TPRG1: variants seen among roughly 807,000 people sequenced by gnomAD.
TPRG1 encodes the protein tumor protein p63 regulated 1.
Under a neutral mutation model 29.3 loss-of-function variants are expected in TPRG1, and 29 were observed. The observed-to-expected ratio is 0.99, with a 90% CI of 0.74 to 1.35. The LOEUF (loss-of-function observed/expected upper bound fraction) is 1.35. TPRG1 is among the 40% of genes most tolerant of loss of function. The pLI, the probability that TPRG1 is intolerant of heterozygous loss-of-function variation, is 0.00. For synonymous variants in TPRG1, 130 were observed against 116.8 expected, an observed-to-expected ratio of 1.11 and a Z score of -0.73; for missense variants, 327 against 335.0, an observed-to-expected ratio of 0.98 and a Z score of 0.19.
intron 1 of TPRG1, among the ~76,000 whole-genome samples, chr3:189,178,072 T>G (rs1424061024): frequency 6.6e-6 from 1 of 152,194 alleles, no homozygotes; most frequent in Non-Finnish European, 1.5e-5. Context: ...CATGCAGCAG[T>G]GTGCTGGCAC....
intron 4 of TPRG1, among the ~76,000 whole-genome samples, chr3:189,072,084 A>G (rs1403701658): frequency 1.3e-5 from 2 of 152,218 alleles, no homozygotes; most frequent in Non-Finnish European, 2.9e-5. Flanking sequence ...TGATGGAGAA[A>G]AAAAGGAACA....
chr3:189,275,957 G>C (rs1039708987), intron 4 of TPRG1, among the ~76,000 whole-genome samples: 1 of 152,090 alleles, frequency 6.6e-6, no homozygotes, highest in Non-Finnish European at 1.5e-5. Flanking sequence ...GTATTGTAGG[G>C]ATATCTTGTT....
At chr3:189,074,336 G>T (rs1230218397) in intron 4 of TPRG1, among the ~76,000 whole-genome samples, 1 of 150,440 alleles carries the variant, frequency 6.6e-6, no homozygotes, top group African/African-American at 2.4e-5. Flanking sequence ...TTCTTGAGTA[G>T]CTGGGACTAC....
intron 4 of TPRG1, among the ~76,000 whole-genome samples, chr3:189,079,156 G>A (rs1281142525): frequency 6.6e-6 from 1 of 152,028 alleles, no homozygotes. Flanking sequence ...GAGGAGGAAG[G>A]TGCCAGCCTC....
At chr3:189,076,254 G>A (rs1717162839) in intron 4 of TPRG1, among the ~76,000 whole-genome samples, 1 of 152,134 alleles carries the variant, frequency 6.6e-6, no homozygotes, top group Admixed American at 6.6e-5. Context: ...GTAAAAAAGA[G>A]CGCTTTTCCT....
intron 1 of TPRG1, chr3:189,121,581 G>A (rs1039346182): frequency 6.6e-6 from 1 of 152,192 alleles, no homozygotes; most frequent in Non-Finnish European, 1.5e-5. Flanking sequence ...TGTTTGTTGT[G>A]CTAAGCTACT....
chr3:189,055,475 C>A (rs1410567791), intron 4 of TPRG1, among the ~76,000 whole-genome samples: 1 of 152,136 alleles, frequency 6.6e-6, no homozygotes, highest in African/African-American at 2.4e-5. Flanking sequence ...TTTTGGGAAG[C>A]GTGTAGGTAG....
At chr3:189,049,135 C>T (rs1157510987) in intron 4 of TPRG1, among the ~76,000 whole-genome samples, 5 of 152,172 alleles carry the variant, frequency 3.3e-5, no homozygotes, top group Non-Finnish European at 5.9e-5. Flanking sequence ...TGAAAAGCCT[C>T]CCGGCCACAA....
At chr3:189,073,320 C>T (rs1051316285) in intron 4 of TPRG1, among the ~76,000 whole-genome samples, 1 of 152,158 alleles carries the variant, frequency 6.6e-6, no homozygotes, top group African/African-American at 2.4e-5. Context: ...TGTATATTTG[C>T]TCTTTTGTTC....
chr3:189,219,747 T>G, intron 3 of TPRG1: 1 of 1,148,290 alleles, frequency 8.7e-7, no homozygotes, highest in Non-Finnish European at 1.1e-6. Context: ...TAGTGTGAAG[T>G]GGTGGTGGGC....
chr3:189,227,589 T>C (rs189148405), intron 3 of TPRG1, among the ~76,000 whole-genome samples: 11 of 152,352 alleles, frequency 7.2e-5, no homozygotes, highest in African/African-American at 2.6e-4. Flanking sequence ...TCTGCTGTTT[T>C]GATACAAGTT....
At chr3:189,050,517 G>C (rs1363737823) in intron 4 of TPRG1, among the ~76,000 whole-genome samples, 2 of 152,136 alleles carry the variant, frequency 1.3e-5, no homozygotes, top group African/African-American at 4.8e-5. Flanking sequence ...CACAGAATTG[G>C]TACCAATCCT....
At chr3:189,154,832 G>A (rs548775882) in intron 5 of TPRG1, among the ~76,000 whole-genome samples, 53 of 152,234 alleles carry the variant, frequency 3.5e-4, no homozygotes, top group African/African-American at 1.2e-3. Flanking sequence ...TACATCAGAC[G>A]GTGACAAATA....
chr3:189,004,980 T>C (rs947381840), intron 3 of TPRG1, among the ~76,000 whole-genome samples: 4 of 152,246 alleles, frequency 2.6e-5, no homozygotes, highest in Non-Finnish European at 5.9e-5. Flanking sequence ...GAAATCATTA[T>C]GTTAAGTGAA....
At chr3:189,279,404 G>A (rs1716717457) in intron 4 of TPRG1, among the ~76,000 whole-genome samples, 2 of 152,206 alleles carry the variant, frequency 1.3e-5, no homozygotes, top group South Asian at 4.2e-4. Context: ...ACATAATTGG[G>A]GTGCAGAAAG....
intron 4 of TPRG1, among the ~76,000 whole-genome samples, chr3:189,308,432 G>A (rs1577026062): frequency 6.6e-6 from 1 of 152,172 alleles, no homozygotes; most frequent in South Asian, 2.1e-4. Context: ...GAAGATGATC[G>A]TCTTTCATAG....
chr3:189,027,192 G>T (rs151021584), intron 4 of TPRG1, among the ~76,000 whole-genome samples: 1 of 152,154 alleles, frequency 6.6e-6, no homozygotes, highest in East Asian at 1.9e-4. Flanking sequence ...GAGTTTTTCA[G>T]TTAATAACTT....
chr3:189,092,915 C>G (rs1718432252), intron 4 of TPRG1, among the ~76,000 whole-genome samples: 2 of 152,048 alleles, frequency 1.3e-5, no homozygotes, highest in Admixed American at 6.5e-5. Flanking sequence ...AAATCTAAAC[C>G]ATATTAACAG....
chr3:189,032,809 C>T (rs1328760079), intron 4 of TPRG1, among the ~76,000 whole-genome samples: 1 of 138,018 alleles, frequency 7.2e-6, no homozygotes, highest in African/African-American at 2.7e-5. Flanking sequence ...CATGTGTTCT[C>T]ATTGTTCAAT....
Sources: gnomAD v4.1 joint callset for allele counts (sites outside exome capture counted in the v4.1 genomes callset) on GRCh38, gnomAD v4.1.1 for gene constraint, MANE v1.5 for transcripts, NCBI Gene and HGNC (gene_info 2026-07-23, HGNC 2026-07-21) for gene names.